SYCE3: variants seen among roughly 807,000 people sequenced by gnomAD.
SYCE3 encodes synaptonemal complex central element protein 3, also known as testis highly expressed gene 2 protein.
A neutral mutation model predicts 8.1 loss-of-function variants in SYCE3; 3 were observed. The observed-to-expected ratio is 0.37, with a 90% confidence interval of 0.17 to 0.96. SYCE3 has a LOEUF of 0.96. SYCE3 is among the 40% of genes least tolerant of loss of function. SYCE3 has a pLI of 0.41. For missense variants in SYCE3, 83 were observed against 110.0 expected (o/e 0.75, Z 1.10); for synonymous variants, 36 against 38.7 (o/e 0.93, Z 0.26).
rs1019734281 is a variant in SYCE3, at chr22:50,551,179, C to G, written c.*66G>C. ...ACAGCTATTCATGTGGGTGCCAGCT[C>G]CATCCCCCAGTGACCTCTTCATACG... On this transcript the variant is annotated 3_prime_UTR_variant, in exon 3 of 3. Coordinates refer to ENST00000406915, the MANE Select transcript of SYCE3 (RefSeq NM_001123225.3). The G allele has an allele frequency of 3.9e-6, 6 of 1,530,674 alleles. No homozygotes were observed. Among genetic ancestry groups the G allele is most frequent in the Admixed American group, 2.0e-5 (1 of 49,946 alleles). 94.8% of individuals were successfully genotyped at this position (1,530,674 alleles called of 1,614,324 possible). A position where few individuals can be genotyped will look rare whatever the true frequency, so the allele number is the denominator to read the frequency against.
At chr22:50,554,398 T>C (rs1406426774) in intron 2 of SYCE3, among the ~76,000 whole-genome samples, 1 of 151,808 alleles carries the variant, frequency 6.6e-6, no homozygotes, top group Non-Finnish European at 1.5e-5. Context: ...TTTCACTACA[T>C]AAAACTGTTT....
chr22:50,554,814 G>A (rs914935501), intron 2 of SYCE3, among the ~76,000 whole-genome samples: 13 of 151,546 alleles, frequency 8.6e-5, no homozygotes, highest in Non-Finnish European at 1.8e-4. Context: ...CCAACATGGT[G>A]AAACCCTGTC....
Position 50,556,532 on chromosome 22 carries a change from G to A in SYCE3, c.1-127C>T, listed in dbSNP as rs957573811. 6.6e-5 allele frequency: 44 copies of A among 670,628 alleles called. 1 individual carries two copies. The highest frequency in any genetic ancestry group is 5.0e-4 in the South Asian group (27 of 54,112). The allele number at this position is 670,628 out of a possible 1,614,324, so 41.5% of individuals were successfully genotyped here. A position where few individuals can be genotyped will look rare whatever the true frequency, so the allele number is the denominator to read the frequency against. On this transcript the variant is annotated intron_variant, in intron 1 of 2. Coordinates refer to ENST00000406915, the MANE Select transcript of SYCE3 (RefSeq NM_001123225.3). ...ATCTCTCAGATTCAGACAATACCACGTACTCCACAGGGCTGTTGTGAAGGT... is the reference window on the plus strand; with the variant it reads ...ATCTCTCAGATTCAGACAATACCACATACTCCACAGGGCTGTTGTGAAGGT...
chr22:50,559,278 C>T, intron 1 of SYCE3, among the ~76,000 whole-genome samples: 1 of 152,148 alleles, frequency 6.6e-6, no homozygotes, highest in East Asian at 1.9e-4. Context: ...AGGTGCCCGC[C>T]ACCATGCCCA....
chr22:50,555,793 C>CTTTT (rs35962439), intron 2 of SYCE3, among the ~76,000 whole-genome samples: 1 of 124,458 alleles, frequency 8.0e-6, no homozygotes, highest in Admixed American at 8.2e-5. Flanking sequence ...CAATGTACAT[C>CTTTT]TTTTTTTTTT....
Position 50,551,146 on chromosome 22 carries a change from C to T in SYCE3, c.*99G>A. ...AAATAAGTTTATTAAGAAACAAGTA[C>T]AGTGCATACAGCTATTCATGTGGGT... On this transcript the variant is annotated 3_prime_UTR_variant, in exon 3 of 3. Transcript: ENST00000406915. 1.4e-6 allele frequency: 2 copies of T among 1,408,472 alleles called. No individual in the cohort carries two copies. The highest frequency in any genetic ancestry group is 1.9e-6 in the Non-Finnish European group (2 of 1,040,504). 87.2% of individuals were successfully genotyped at this position (1,408,472 alleles called of 1,614,324 possible). A position where few individuals can be genotyped will look rare whatever the true frequency, so the allele number is the denominator to read the frequency against.
At chr22:50,551,993 C>G (rs547549419) in intron 2 of SYCE3, among the ~76,000 whole-genome samples, 1 of 152,228 alleles carries the variant, frequency 6.6e-6, no homozygotes, top group South Asian at 2.1e-4. Flanking sequence ...CTGACAGCAA[C>G]TCGAAGGTAG....
chr22:50,556,326 T>C lies in SYCE3; in HGVS notation c.80A>G (p.Lys27Arg). ...GATTTTCTCCATCTCTTCTAATAGCTTTTCCAAGTCCTTATTCAGATCTGA... is the reference window on the plus strand; with the variant it reads ...GATTTTCTCCATCTCTTCTAATAGCCTTTCCAAGTCCTTATTCAGATCTGA... ...MLSDLNKDLE[K>R]LLEEMEKISV... Residue 27 changes from lysine (K) to arginine (R), a missense_variant, in exon 2 of 3, where the codon AAG becomes AGG. Coordinates refer to ENST00000406915, the MANE Select transcript of SYCE3 (RefSeq NM_001123225.3). 6.4e-7 allele frequency: 1 copy of C among 1,551,922 alleles called. No homozygotes were observed. The highest frequency in any genetic ancestry group is 8.7e-7 in the Non-Finnish European group (1 of 1,146,944).
intron 1 of SYCE3, among the ~76,000 whole-genome samples, chr22:50,561,486 C>T (rs1031460850): frequency 8.1e-6 from 1 of 122,720 alleles, no homozygotes; most frequent in African/African-American, 3.1e-5. Context: ...CACAATGGAA[C>T]GGAGCTTAGG....
At chr22:50,554,522 C>T (rs1429960166) in intron 2 of SYCE3, among the ~76,000 whole-genome samples, 4 of 151,232 alleles carry the variant, frequency 2.6e-5, no homozygotes, top group East Asian at 2.0e-4. Context: ...GGTGAAACTT[C>T]GTCTCTACTA....
chr22:50,551,244 C>A lies in SYCE3; in HGVS notation c.*1G>T. ...TGGCAGCTGTGGTGGGCCAGTGGGG[C>A]CTACAGCCTTTGCTTGGTCTCATGC... On this transcript the variant is annotated 3_prime_UTR_variant, in exon 3 of 3. Coordinates refer to ENST00000406915, the MANE Select transcript of SYCE3 (RefSeq NM_001123225.3). 1.9e-6 allele frequency: 3 copies of A among 1,551,150 alleles called. No individual in the cohort carries two copies. The highest frequency in any genetic ancestry group is 2.6e-6 in the Non-Finnish European group (3 of 1,146,840).
chr22:50,557,727 T>C (rs6010001), intron 1 of SYCE3, among the ~76,000 whole-genome samples: 12,723 of 126,146 alleles, frequency 0.1, 1,174 homozygotes, highest in African/African-American at 0.24. Context: ...AAGAGAGAAA[T>C]AGATAAATAA....
intron 1 of SYCE3, 140 bp from the exon 2 acceptor site, chr22:50,556,545 CTGT>C (rs2069861852): frequency 1.6e-6 from 1 of 620,810 alleles, no homozygotes; most frequent in East Asian, 2.8e-5. Context: ...CTCCACAGGG[CTGT>C]TGTGAAGGTT....
At chr22:50,557,877 T>C (rs2069876405) in intron 1 of SYCE3, among the ~76,000 whole-genome samples, 2 of 152,262 alleles carry the variant, frequency 1.3e-5, no homozygotes, top group East Asian at 3.9e-4. Context: ...TGGTCTTTAC[T>C]TCAGAGTTAA....
At chr22:50,554,621 G>C (rs1460217011) in intron 2 of SYCE3, among the ~76,000 whole-genome samples, 1 of 149,612 alleles carries the variant, frequency 6.7e-6, no homozygotes, top group African/African-American at 2.5e-5. Context: ...TTGAACCCGA[G>C]AGGCGGAGGT....
At chr22:50,561,412 C>A (rs1345089549) in intron 1 of SYCE3, among the ~76,000 whole-genome samples, 1 of 151,552 alleles carries the variant, frequency 6.6e-6, no homozygotes, top group Non-Finnish European at 1.5e-5. Flanking sequence ...GCATTTCTTG[C>A]CTAATGAGGT....
intron 2 of SYCE3, among the ~76,000 whole-genome samples, chr22:50,552,306 C>T (rs548153836): frequency 6.6e-5 from 10 of 152,202 alleles, no homozygotes; most frequent in South Asian, 4.1e-4. Context: ...GAGCAGAGTA[C>T]GCCTCCCAGC....
chr22:50,561,996 A>G (rs2069923806), intron 1 of SYCE3, among the ~76,000 whole-genome samples: 1 of 133,542 alleles, frequency 7.5e-6, no homozygotes. Context: ...AGACTTCAGG[A>G]TCAGGAGTGT....
intron 1 of SYCE3, 36 bp from the exon 2 acceptor site, chr22:50,556,441 G>T: frequency 1.4e-6 from 2 of 1,426,708 alleles, no homozygotes; most frequent in Non-Finnish European, 1.9e-6. Context: ...CAGTCAGACA[G>T]ACCTACATTT....
Sources: gnomAD v4.1 joint callset for allele counts (sites outside exome capture counted in the v4.1 genomes callset) on GRCh38, gnomAD v4.1.1 for gene constraint, MANE v1.5 for transcripts, NCBI Gene and HGNC (gene_info 2026-07-23, HGNC 2026-07-21) for gene names.